KLF8: variants seen among roughly 807,000 people sequenced by gnomAD.
KLF8 encodes the protein Krueppel-like factor 8.
KLF8 carries 10 observed loss-of-function variants against 18.2 expected under a neutral mutation model. That is an observed-to-expected ratio of 0.55 (90% CI 0.34 to 0.93). KLF8 has a LOEUF of 0.93. KLF8 is among the 40% of genes least tolerant of loss of function. KLF8 has a pLI of 0.02. For missense variants in KLF8, 264 were observed against 277.9 expected (o/e 0.95, Z 0.36); for synonymous variants, 109 against 97.3 (o/e 1.12, Z -0.71).
At chrX:56,173,573 G>A in the KLF8 span, among the ~76,000 whole-genome samples, 1 of 111,845 alleles carries the variant, frequency 8.9e-6, no homozygotes, top group Non-Finnish European at 1.9e-5. Context: ...GATTCACTAG[G>A]CAATGCGGGC....
the KLF8 span, among the ~76,000 whole-genome samples, chrX:56,128,693 T>C: frequency 1.8e-5 from 2 of 112,077 alleles, no homozygotes; most frequent in African/African-American, 3.2e-5. Flanking sequence ...GATACTCCCA[T>C]GTAATGTACC....
the KLF8 span, chrX:55,961,081 AAAG>A: frequency 7.0e-6 from 1 of 143,366 alleles, no homozygotes; most frequent in African/African-American, 3.2e-5. Context: ...GATTAAAAAA[AAAG>A]AAAAGCAATA....
chrX:56,008,480 C>T, the KLF8 span, among the ~76,000 whole-genome samples: 1 of 112,095 alleles, frequency 8.9e-6, no homozygotes. Context: ...TGTTCTATCC[C>T]ACATGGGAAA....
At chrX:56,213,877 C>A in the KLF8 span, among the ~76,000 whole-genome samples, 1 of 111,015 alleles carries the variant, frequency 9.0e-6, no homozygotes, top group African/African-American at 3.3e-5. Flanking sequence ...TAAACTTTTG[C>A]CTGGCATCCA....
At chrX:55,968,999 T>A in the KLF8 span, among the ~76,000 whole-genome samples, 1 of 111,685 alleles carries the variant, frequency 9.0e-6, no homozygotes. Flanking sequence ...GCCAATACAA[T>A]AATAACTAGA....
intron 1 of KLF8, chrX:56,243,157 A>C: frequency 1.9e-6 from 1 of 517,459 alleles, no homozygotes; most frequent in Non-Finnish European, 3.5e-6. Context: ...TGGCCGACAC[A>C]GTGGTCAGCG....
the KLF8 span, among the ~76,000 whole-genome samples, chrX:56,180,654 A>G: frequency 2.7e-5 from 3 of 110,268 alleles, no homozygotes; most frequent in Non-Finnish European, 5.7e-5. Context: ...AGATTGTGGT[A>G]TGTTGTGTCT....
chrX:56,250,314 C>T lies in KLF8; in HGVS notation c.81+10C>T, dbSNP rs1216709159. ...GCAGGTATTCAAGCAGGTCAGTTAT[C>T]AGGAAAATAGGGTGCTAATATTGGG... is the stretch of plus-strand genomic sequence containing the variant. On this transcript the variant is annotated intron_variant, in intron 2 of 5. Coordinates refer to ENST00000468660, the MANE Select transcript of KLF8 (RefSeq NM_007250.5). 3 of 1,160,059 alleles carry T rather than the reference C, an allele frequency of 2.6e-6. No individual in the cohort carries two copies. The highest frequency in any genetic ancestry group is 4.4e-5 in the Admixed American group (2 of 45,447).
At chrX:55,976,569 T>TACACACACACAC in the KLF8 span, among the ~76,000 whole-genome samples, 178 of 102,558 alleles carry the variant, frequency 1.7e-3, no homozygotes, top group South Asian at 4.1e-3. Context: ...TCCATTTGTG[T>TACACACACACAC]ACACACACAC....
chrX:56,281,167 T>G (rs1325601176), intron 5 of KLF8, among the ~76,000 whole-genome samples: 1 of 111,848 alleles, frequency 8.9e-6, no homozygotes, highest in African/African-American at 3.3e-5. Context: ...CAAATTCTCT[T>G]TTTAAAAATA....
chrX:56,162,111 G>A, the KLF8 span, among the ~76,000 whole-genome samples: 4 of 111,769 alleles, frequency 3.6e-5, no homozygotes, highest in Non-Finnish European at 7.5e-5. Flanking sequence ...AAATGTTGCT[G>A]CCTGAACGTT....
chrX:55,982,668 C>T, the KLF8 span, among the ~76,000 whole-genome samples: 1 of 111,743 alleles, frequency 8.9e-6, no homozygotes, highest in African/African-American at 3.3e-5. Context: ...GTTGCCTAAC[C>T]TCCCTTTCAA....
the KLF8 span, among the ~76,000 whole-genome samples, chrX:55,987,407 G>A: frequency 9.1e-6 from 1 of 109,583 alleles, no homozygotes; most frequent in Non-Finnish European, 1.9e-5. Flanking sequence ...GTGTCCATGT[G>A]TTCTCATTGT....
At chrX:56,138,095 T>C in the KLF8 span, among the ~76,000 whole-genome samples, 3 of 99,660 alleles carry the variant, frequency 3.0e-5, no homozygotes, top group Non-Finnish European at 6.0e-5. Flanking sequence ...AGCACATCTA[T>C]GCACACAAAC....
the KLF8 span, among the ~76,000 whole-genome samples, chrX:56,130,770 A>G: frequency 8.0e-5 from 9 of 111,902 alleles, no homozygotes; most frequent in East Asian, 2.5e-3. Flanking sequence ...AATACAAGAT[A>G]TGAGGGAAGA....
the KLF8 span, among the ~76,000 whole-genome samples, chrX:55,909,718 C>G: frequency 2.7e-5 from 3 of 112,451 alleles, 1 homozygote; most frequent in South Asian, 1.1e-3. Flanking sequence ...GGAATTCCAG[C>G]TAGAAGAAAT....
the KLF8 span, among the ~76,000 whole-genome samples, chrX:56,121,574 T>C: frequency 3.1e-5 from 3 of 96,647 alleles, no homozygotes; most frequent in Non-Finnish European, 4.2e-5. Context: ...AATTGTGATT[T>C]ATCTTTTCAT....
the KLF8 span, among the ~76,000 whole-genome samples, chrX:56,222,828 G>A: frequency 8.8e-6 from 1 of 113,132 alleles, no homozygotes; most frequent in Admixed American, 9.2e-5. Flanking sequence ...GGCTAGCGGG[G>A]CTGGCCGGCG....
At chrX:56,055,011 G>T in the KLF8 span, among the ~76,000 whole-genome samples, 1 of 111,475 alleles carries the variant, frequency 9.0e-6, no homozygotes, top group Non-Finnish European at 1.9e-5. Flanking sequence ...CTTGCCAATG[G>T]GTCTTGGAAT....
Sources: allele counts gnomAD v4.1 joint callset (sites outside exome capture counted in the v4.1 genomes callset), GRCh38; gene constraint gnomAD v4.1.1; transcripts MANE v1.5; gene names NCBI Gene and HGNC (gene_info 2026-07-23, HGNC 2026-07-21).